Variants in MAMDC2 observed in about 807,000 individuals in gnomAD.
MAMDC2 encodes MAM domain containing 2.
A neutral mutation model predicts 89.8 loss-of-function variants in MAMDC2; 57 were observed. The ratio of observed to expected loss-of-function variants is 0.63; its 90% CI spans 0.51 to 0.79. The LOEUF (loss-of-function observed/expected upper bound fraction) is 0.79, where lower values mean the gene tolerates loss of function less well. Among genes scored for constraint, MAMDC2 ranks in the 30% least tolerant of loss-of-function variants. The probability of loss-of-function intolerance (pLI) is 0.00; values close to 1 mark genes in which losing one functional copy is unlikely to be tolerated. For missense variants in MAMDC2, 800 were observed against 820.6 expected, an observed-to-expected ratio of 0.97 and a Z score of 0.31; for synonymous variants, 313 against 293.4, an observed-to-expected ratio of 1.07 and a Z score of -0.68.
intron 2 of MAMDC2, among the ~76,000 whole-genome samples, chr9:70,053,337 A>C (rs1233573866): frequency 6.6e-6 from 1 of 152,242 alleles, no homozygotes; most frequent in Non-Finnish European, 1.5e-5. Flanking sequence ...ATTTCATTGC[A>C]TCATGAATAA....
chr9:70,068,583 C>T (rs548523402), intron 2 of MAMDC2, among the ~76,000 whole-genome samples: 42 of 151,896 alleles, frequency 2.8e-4, no homozygotes, highest in Admixed American at 5.2e-4. Flanking sequence ...ACAAATTAGC[C>T]GGGCGTGGTG....
intron 2 of MAMDC2, among the ~76,000 whole-genome samples, chr9:70,059,331 G>C (rs1170617754): frequency 6.6e-6 from 1 of 152,148 alleles, no homozygotes; most frequent in South Asian, 2.1e-4. Flanking sequence ...AGTGACGAAG[G>C]TACCCCTTAC....
At chr9:70,213,166 C>A (rs2033388057) in intron 11 of MAMDC2, among the ~76,000 whole-genome samples, 1 of 152,202 alleles carries the variant, frequency 6.6e-6, no homozygotes, top group African/African-American at 2.4e-5. Context: ...GATCACTAAA[C>A]AAAAGACAAT....
intron 9 of MAMDC2, among the ~76,000 whole-genome samples, chr9:70,157,132 A>T (rs926467808): frequency 2.0e-5 from 3 of 152,228 alleles, no homozygotes; most frequent in African/African-American, 7.2e-5. Flanking sequence ...TTTGTTTATG[A>T]ACCTGAAAAT....
chr9:70,145,628 C>T (rs1195113334), intron 9 of MAMDC2, among the ~76,000 whole-genome samples: 1 of 151,992 alleles, frequency 6.6e-6, no homozygotes, highest in Non-Finnish European at 1.5e-5. Context: ...ATCAGGGGTG[C>T]ACTAGAAAGT....
At chr9:70,107,832 A>C (rs3015210) in intron 2 of MAMDC2, among the ~76,000 whole-genome samples, 9,704 of 152,236 alleles carry the variant, frequency 0.064, 992 homozygotes, top group African/African-American at 0.21. Flanking sequence ...AGCCTGCAGA[A>C]ACATATGCCT....
chr9:70,113,169 A>T (rs747533404), intron 5 of MAMDC2, 37 bp downstream of exon 5: 20 of 1,609,324 alleles, frequency 1.2e-5, no homozygotes, highest in Non-Finnish European at 1.6e-5. Context: ...TTCCCAGGAT[A>T]AATTTTTCTG....
intron 9 of MAMDC2, among the ~76,000 whole-genome samples, chr9:70,152,815 T>C (rs1478100681): frequency 6.6e-6 from 1 of 152,216 alleles, no homozygotes; most frequent in Non-Finnish European, 1.5e-5. Flanking sequence ...ACCAGGAGTA[T>C]AGCCATATAT....
chr9:70,178,067 G>C (rs1172359851), intron 11 of MAMDC2, among the ~76,000 whole-genome samples: 1 of 152,180 alleles, frequency 6.6e-6, no homozygotes, highest in African/African-American at 2.4e-5. Context: ...CCACAAAAGA[G>C]TGGTTTTCCT....
intron 9 of MAMDC2, among the ~76,000 whole-genome samples, chr9:70,146,369 A>G (rs1222879367): frequency 6.6e-6 from 1 of 152,196 alleles, no homozygotes; most frequent in East Asian, 1.9e-4. Context: ...ATGAGGAGAC[A>G]GTATAGTTCA....
intron 4 of MAMDC2, among the ~76,000 whole-genome samples, chr9:70,111,803 G>T (rs1262041550): frequency 6.6e-6 from 1 of 152,244 alleles, no homozygotes; most frequent in Non-Finnish European, 1.5e-5. Flanking sequence ...CCACAAAGGT[G>T]TGAGTGGTAA....
At chr9:70,163,164 C>T (rs1440532561) in intron 9 of MAMDC2, among the ~76,000 whole-genome samples, 1 of 151,478 alleles carries the variant, frequency 6.6e-6, no homozygotes, top group Non-Finnish European at 1.5e-5. Flanking sequence ...GGGTATTAGT[C>T]CATCTGCCTT....
intron 2 of MAMDC2, among the ~76,000 whole-genome samples, chr9:70,080,964 C>T (rs1405998887): frequency 1.3e-5 from 2 of 152,178 alleles, no homozygotes; most frequent in Non-Finnish European, 2.9e-5. Context: ...AGACTGTCAG[C>T]TCACTGAGGT....
chr9:70,078,937 G>A (rs1827596414), intron 2 of MAMDC2, among the ~76,000 whole-genome samples: 1 of 152,150 alleles, frequency 6.6e-6, no homozygotes, highest in South Asian at 2.1e-4. Flanking sequence ...TCCTTAGGAA[G>A]TGGGGATGTT....
At chr9:70,123,731 T>C (rs1483658974) in intron 5 of MAMDC2, among the ~76,000 whole-genome samples, 1 of 152,026 alleles carries the variant, frequency 6.6e-6, no homozygotes, top group Non-Finnish European at 1.5e-5. Context: ...AAGGGGAACT[T>C]TGGGCACAGA....
chr9:70,205,571 C>G (rs922518561), intron 11 of MAMDC2, among the ~76,000 whole-genome samples: 2 of 152,136 alleles, frequency 1.3e-5, no homozygotes, highest in Admixed American at 1.3e-4. Flanking sequence ...GCTTCACAGT[C>G]CAGAATTATG....
intron 11 of MAMDC2, among the ~76,000 whole-genome samples, chr9:70,207,918 G>T (rs2033262570): frequency 6.6e-6 from 1 of 152,066 alleles, no homozygotes; most frequent in East Asian, 1.9e-4. Flanking sequence ...TTTTTGTCAG[G>T]TTTGTCAAAG....
chr9:70,139,397 T>A (rs2031122428), intron 7 of MAMDC2, among the ~76,000 whole-genome samples: 1 of 150,402 alleles, frequency 6.6e-6, no homozygotes, highest in African/African-American at 2.4e-5. Context: ...TGCGATAGTT[T>A]ACTGAGAATG....
intron 2 of MAMDC2, among the ~76,000 whole-genome samples, chr9:70,050,862 T>G (rs1826877395): frequency 6.6e-6 from 1 of 152,226 alleles, no homozygotes; most frequent in Non-Finnish European, 1.5e-5. Context: ...TTTGTGTGGC[T>G]GAACAAGGTG....
Sources: gnomAD v4.1 joint callset for allele counts (sites outside exome capture counted in the v4.1 genomes callset) on GRCh38, gnomAD v4.1.1 for gene constraint, MANE v1.5 for transcripts, NCBI Gene and HGNC (gene_info 2026-07-23, HGNC 2026-07-21) for gene names.